CBFA2T3: variants seen among roughly 807,000 people sequenced by gnomAD.
CBFA2T3 encodes the protein transcriptional corepressor CBFA2T3.
A neutral mutation model predicts 58.6 loss-of-function variants in CBFA2T3; 31 were observed. That is an observed-to-expected ratio of 0.53 (90% CI 0.40 to 0.71). CBFA2T3 has a LOEUF of 0.71. Among genes scored for constraint, CBFA2T3 ranks in the 30% least tolerant of loss-of-function variants. The probability of loss-of-function intolerance (pLI) is 0.00; values close to 1 mark genes in which losing one functional copy is unlikely to be tolerated. For synonymous variants in CBFA2T3, 531 were observed against 421.9 expected (o/e 1.26, Z -3.17); for missense variants, 1,076 against 963.1 (o/e 1.12, Z -1.55).
At chr16:88,911,532 C>T (rs1004457547) in intron 1 of CBFA2T3, among the ~76,000 whole-genome samples, 10 of 152,250 alleles carry the variant, frequency 6.6e-5, no homozygotes, top group Non-Finnish European at 5.9e-5. Flanking sequence ...GGAACGGGAA[C>T]CTCAGGCGCC....
chr16:88,880,650 C>T (rs28653423), intron 10 of CBFA2T3, 70 bp downstream of exon 10: 34,466 of 1,283,352 alleles, frequency 0.027, 1,493 homozygotes, highest in African/African-American at 0.18. Flanking sequence ...AAAGCTGAGC[C>T]GGTGAGAGGC....
rs749073786 is a variant in CBFA2T3, at chr16:88,876,384, G to A, written c.*592C>T. The A allele has an allele frequency of 3.0e-5, 7 of 229,684 alleles. No homozygotes were observed. Among genetic ancestry groups the A allele is most frequent in the Admixed American group, 5.7e-5 (1 of 17,656 alleles). 14.2% of individuals were successfully genotyped at this position (229,684 alleles called of 1,614,324 possible). On this transcript the variant is annotated 3_prime_UTR_variant, in exon 12 of 12. Transcript: ENST00000268679. The stretch of plus-strand genomic sequence containing the variant: ...GATCAGCCTCACGCCCCTGGGGGAG[G>A]GGCACAGCTGGGTTCAGATCTCCAG...
chr16:88,941,339 C>T (rs912159354), intron 1 of CBFA2T3: 1 of 199,180 alleles, frequency 5.0e-6, no homozygotes, highest in Admixed American at 6.7e-5. Context: ...CGCGCTCGCC[C>T]GAGAGTCTCA....
At chr16:88,935,904 A>G (rs1462618273) in intron 1 of CBFA2T3, among the ~76,000 whole-genome samples, 1 of 152,178 alleles carries the variant, frequency 6.6e-6, no homozygotes, top group East Asian at 1.9e-4. Flanking sequence ...AGATGGGAAT[A>G]TGTGGTGTAG....
In CBFA2T3 at chr16:88,887,487, TG is replaced by T. The variant is rs1969425957; in HGVS notation, c.712-1346del. ...GCCAGCTGGGAGCCGGGGCGGTGGG[TG>T]GGGCTGCATCCCCCAGCTTCTGGAA... On this transcript the variant is annotated intron_variant, in intron 5 of 11. Coordinates refer to ENST00000268679, the MANE Select transcript of CBFA2T3 (RefSeq NM_005187.6). Among the ~76,000 whole-genome samples, 3 of 151,950 alleles carry T rather than the reference TG, an allele frequency of 2.0e-5. 1 individual carries two copies. In the South Asian group the frequency reaches 6.3e-4, roughly 32 times the overall value.
At chr16:88,907,555 T>C (rs1297195793) in intron 1 of CBFA2T3, among the ~76,000 whole-genome samples, 1 of 152,186 alleles carries the variant, frequency 6.6e-6, no homozygotes, top group African/African-American at 2.4e-5. Context: ...TTCTCTATCT[T>C]ACGAGTGGGG....
intron 1 of CBFA2T3, among the ~76,000 whole-genome samples, chr16:88,912,732 T>G (rs1393502520): frequency 6.6e-6 from 1 of 152,186 alleles, no homozygotes; most frequent in African/African-American, 2.4e-5. Context: ...AAGCCCCCTA[T>G]CTGCCTCCCC....
At chr16:88,882,466 C>T (rs1235849503) in intron 8 of CBFA2T3, among the ~76,000 whole-genome samples, 4 of 130,732 alleles carry the variant, frequency 3.1e-5, no homozygotes, top group Non-Finnish European at 5.0e-5. Flanking sequence ...TGGCTGTGTG[C>T]GTGGGGGTGG....
intron 1 of CBFA2T3, among the ~76,000 whole-genome samples, chr16:88,967,887 C>T (rs1053949058): frequency 1.2e-4 from 18 of 152,216 alleles, no homozygotes; most frequent in Non-Finnish European, 2.2e-4. Context: ...GTGGAGGCGC[C>T]CACCCTCCCT....
intron 1 of CBFA2T3, among the ~76,000 whole-genome samples, chr16:88,945,149 T>C (rs1021097708): frequency 1.3e-5 from 2 of 152,364 alleles, no homozygotes; most frequent in East Asian, 3.9e-4. Flanking sequence ...GGGTGGCTAA[T>C]GGATTCTAGA....
chr16:88,940,740 A>G (rs906619968), intron 1 of CBFA2T3, among the ~76,000 whole-genome samples: 9 of 151,828 alleles, frequency 5.9e-5, no homozygotes, highest in African/African-American at 2.2e-4. Context: ...TGTTAGGAAA[A>G]CCGGGCGGCC....
intron 1 of CBFA2T3, among the ~76,000 whole-genome samples, chr16:88,966,051 C>T (rs906395923): frequency 6.6e-6 from 1 of 152,214 alleles, no homozygotes; most frequent in Non-Finnish European, 1.5e-5. Flanking sequence ...TCCCCCTGGG[C>T]CACTCCTTGG....
At chr16:88,936,124 C>T (rs761335909) in intron 1 of CBFA2T3, among the ~76,000 whole-genome samples, 5 of 152,244 alleles carry the variant, frequency 3.3e-5, no homozygotes, top group Middle Eastern at 3.4e-3. Flanking sequence ...CTGGCTTTCC[C>T]GGGTACTCAG....
chr16:88,975,208 G>GGCCCTCTCTGCTCCTC (rs1567644055), intron 1 of CBFA2T3, among the ~76,000 whole-genome samples: 1 of 108,204 alleles, frequency 9.2e-6, no homozygotes, highest in Non-Finnish European at 1.8e-5. Flanking sequence ...GGTCCACCCT[G>GGCCCTCTCTGCTCCTC]ACCCTCTGCT....
In CBFA2T3 at chr16:88,885,786, C is replaced by T. The variant is rs566091984; in HGVS notation, c.893+175G>A. The T allele has an allele frequency of 7.6e-5, 46 of 607,706 alleles. No homozygotes were observed. The highest frequency in any genetic ancestry group is 1.2e-4 in the Non-Finnish European group (42 of 345,710). 37.6% of individuals were successfully genotyped at this position (607,706 alleles called of 1,614,324 possible). Reference sequence around the variant, plus strand: ...TCTGCAGCCCACTGGGGTGTCCGCCCGTGCAGCCACCAAGCCTGCTGGCCC... The same window carrying T: ...TCTGCAGCCCACTGGGGTGTCCGCCTGTGCAGCCACCAAGCCTGCTGGCCC... On this transcript the variant is annotated intron_variant, in intron 6 of 11. Coordinates refer to ENST00000268679, the MANE Select transcript of CBFA2T3 (RefSeq NM_005187.6). The surrounding 1 kb of genome is among the most constrained non-coding windows in gnomAD (Gnocchi z 5.3).
chr16:88,911,637 A>G (rs962835740), intron 1 of CBFA2T3, among the ~76,000 whole-genome samples: 9 of 152,250 alleles, frequency 5.9e-5, no homozygotes, highest in Non-Finnish European at 8.8e-5. Context: ...ATTCCCGCAG[A>G]ATCACGGAGG....
intron 1 of CBFA2T3, among the ~76,000 whole-genome samples, chr16:88,944,815 G>A (rs542962995): frequency 2.0e-5 from 3 of 152,358 alleles, no homozygotes; most frequent in Admixed American, 6.5e-5. Flanking sequence ...AAGGGCAGGC[G>A]CTAGGCCCTC....
intron 1 of CBFA2T3, among the ~76,000 whole-genome samples, chr16:88,946,389 G>A (rs750575939): frequency 2.0e-5 from 3 of 152,158 alleles, no homozygotes; most frequent in Non-Finnish European, 4.4e-5. Flanking sequence ...CAACTCAATA[G>A]CATTCAGGAA....
intron 1 of CBFA2T3, chr16:88,937,118 C>CG (rs1257530218): frequency 6.6e-6 from 1 of 152,260 alleles, no homozygotes; most frequent in East Asian, 1.9e-4. Flanking sequence ...GCCTGGGCTC[C>CG]GCTGAAAGGA....
Sources: allele counts gnomAD v4.1 joint callset (sites outside exome capture counted in the v4.1 genomes callset), GRCh38; gene constraint gnomAD v4.1.1; non-coding constraint Gnocchi (gnomAD v3.1); transcripts MANE v1.5; gene names NCBI Gene and HGNC (gene_info 2026-07-23, HGNC 2026-07-21).